The following NXPE2 variants were observed in gnomAD, a reference collection of about 807,000 sequenced individuals.
The protein encoded by NXPE2 is NXPE family member 2.
A neutral mutation model predicts 34.4 loss-of-function variants in NXPE2; 34 were observed. The ratio of observed to expected loss-of-function variants is 0.99; its 90% CI spans 0.75 to 1.31. The LOEUF (loss-of-function observed/expected upper bound fraction) is 1.31. Among genes scored for constraint, NXPE2 ranks in the 40% most tolerant of loss-of-function variants. The pLI, the probability that NXPE2 is intolerant of heterozygous loss-of-function variation, is 0.00. For synonymous variants in NXPE2, 235 were observed against 231.3 expected (o/e 1.02, Z -0.15); for missense variants, 649 against 672.5 (o/e 0.97, Z 0.39).
At chr11:114,503,629 G>C in the NXPE2 span, among the ~76,000 whole-genome samples, 1 of 152,034 alleles carries the variant, frequency 6.6e-6, no homozygotes, top group African/African-American at 2.4e-5. Flanking sequence ...GAGGTATAAA[G>C]TTTAAAAATT....
the NXPE2 span, among the ~76,000 whole-genome samples, chr11:114,642,683 T>G: frequency 7.2e-5 from 11 of 152,130 alleles, no homozygotes; most frequent in African/African-American, 2.7e-4. Context: ...TTTGGGTTGG[T>G]TCCAAGTCTT....
At chr11:114,633,227 AAT>A in the NXPE2 span, among the ~76,000 whole-genome samples, 2 of 132,080 alleles carry the variant, frequency 1.5e-5, no homozygotes, top group African/African-American at 5.7e-5. Context: ...TATATATATA[AAT>A]ATATGTAACA....
the NXPE2 span, among the ~76,000 whole-genome samples, chr11:114,486,510 C>T: frequency 6.6e-6 from 1 of 151,994 alleles, no homozygotes; most frequent in African/African-American, 2.4e-5. Context: ...TTGATATGAT[C>T]CCATTTGTCC....
chr11:114,637,443 G>A, the NXPE2 span, among the ~76,000 whole-genome samples: 2 of 151,738 alleles, frequency 1.3e-5, no homozygotes, highest in Non-Finnish European at 2.9e-5. Flanking sequence ...TCTTTTAATT[G>A]GAGCATTTAG....
intron 2 of NXPE2, among the ~76,000 whole-genome samples, chr11:114,687,261 C>T (rs1226365714): frequency 2.0e-5 from 3 of 152,070 alleles, no homozygotes; most frequent in African/African-American, 7.2e-5. Context: ...ATATTTAAGT[C>T]TTTAACCCAT....
At chr11:114,573,262 T>C in the NXPE2 span, among the ~76,000 whole-genome samples, 2 of 152,264 alleles carry the variant, frequency 1.3e-5, no homozygotes, top group Admixed American at 1.3e-4. Flanking sequence ...CCTTAAAGCA[T>C]AATTCTCAAA....
chr11:114,630,453 G>A, the NXPE2 span, among the ~76,000 whole-genome samples: 3 of 151,726 alleles, frequency 2.0e-5, no homozygotes, highest in African/African-American at 4.9e-5. Flanking sequence ...ATGGTGCTGG[G>A]AAAACTGGCT....
chr11:114,600,225 C>G, the NXPE2 span, among the ~76,000 whole-genome samples: 4 of 152,108 alleles, frequency 2.6e-5, no homozygotes, highest in Non-Finnish European at 5.9e-5. Flanking sequence ...CATCTGCTTA[C>G]CCAAGTGATG....
the NXPE2 span, among the ~76,000 whole-genome samples, chr11:114,802,134 T>A: frequency 6.6e-6 from 1 of 152,176 alleles, no homozygotes; most frequent in Non-Finnish European, 1.5e-5. Context: ...GATCCTGGAA[T>A]AAAAGGCAAT....
At chr11:114,652,649 T>C in the NXPE2 span, among the ~76,000 whole-genome samples, 1 of 152,192 alleles carries the variant, frequency 6.6e-6, no homozygotes, top group Non-Finnish European at 1.5e-5. Context: ...TTGAAATCAT[T>C]CTTGAAGTTA....
At chr11:114,651,834 A>C in the NXPE2 span, among the ~76,000 whole-genome samples, 1 of 152,304 alleles carries the variant, frequency 6.6e-6, no homozygotes, top group African/African-American at 2.4e-5. Context: ...TCCTTTAGCT[A>C]GACAGAAAAG....
the NXPE2 span, among the ~76,000 whole-genome samples, chr11:114,636,374 T>C: frequency 7.2e-5 from 11 of 152,080 alleles, no homozygotes; most frequent in African/African-American, 2.7e-4. Flanking sequence ...ATTAGTCTGC[T>C]AGCGGTCTAT....
At chr11:114,796,580 G>A in the NXPE2 span, among the ~76,000 whole-genome samples, 1 of 152,102 alleles carries the variant, frequency 6.6e-6, no homozygotes. Flanking sequence ...TAAACCAAAG[G>A]CATAGTGAAT....
the NXPE2 span, among the ~76,000 whole-genome samples, chr11:114,479,565 C>A: frequency 6.6e-6 from 1 of 151,968 alleles, no homozygotes; most frequent in Non-Finnish European, 1.5e-5. Context: ...ATGGTGAACA[C>A]TGGGAGGAAC....
At chr11:114,571,121 T>A in the NXPE2 span, 4 of 1,613,858 alleles carry the variant, frequency 2.5e-6, no homozygotes. Context: ...TAAATCTTTC[T>A]GCATCATTGT....
chr11:114,540,649 C>T, the NXPE2 span, among the ~76,000 whole-genome samples: 12 of 151,708 alleles, frequency 7.9e-5, no homozygotes, highest in Non-Finnish European at 1.8e-4. Context: ...TTGCAATGTT[C>T]AACTCTGAAC....
chr11:114,695,713 C>A (rs1371546419), intron 2 of NXPE2, among the ~76,000 whole-genome samples: 2 of 152,074 alleles, frequency 1.3e-5, no homozygotes, highest in Admixed American at 1.3e-4. Context: ...AAGAAATTGG[C>A]CGGGCACAGT....
chr11:114,534,549 T>C, the NXPE2 span, among the ~76,000 whole-genome samples: 2 of 152,194 alleles, frequency 1.3e-5, no homozygotes, highest in Admixed American at 1.3e-4. Flanking sequence ...AAAAATTAGA[T>C]GAATGGATAA....
chr11:114,580,247 G>C, the NXPE2 span: 1 of 1,613,920 alleles, frequency 6.2e-7, no homozygotes, highest in Non-Finnish European at 8.5e-7. Flanking sequence ...AACTACAGGA[G>C]ACAGGATTCC....
Sources: allele counts gnomAD v4.1 joint callset (sites outside exome capture counted in the v4.1 genomes callset), GRCh38; gene constraint gnomAD v4.1.1; transcripts MANE v1.5; gene names NCBI Gene and HGNC (gene_info 2026-07-23, HGNC 2026-07-21).